NTAQ1: variants seen among roughly 807,000 people sequenced by gnomAD.
NTAQ1 encodes N-terminal glutamine amidase 1, also known as protein N-terminal glutamine amidohydrolase.
NTAQ1 carries 21 observed loss-of-function variants against 28.2 expected under a neutral mutation model. That is an observed-to-expected ratio of 0.74 (90% CI 0.53 to 1.07). The LOEUF is 1.07. Among genes scored for constraint, NTAQ1 ranks in the 50% least tolerant of loss-of-function variants. The pLI is 0.00. For missense variants in NTAQ1, 264 were observed against 256.6 expected, an observed-to-expected ratio of 1.03 and a Z score of -0.20; for synonymous variants, 105 against 90.0, an observed-to-expected ratio of 1.17 and a Z score of -0.94.
Position 123,416,897 on chromosome 8 carries a change from C to G in NTAQ1, c.48C>G (p.Pro16=). The G allele has an allele frequency of 6.6e-7, 1 of 1,526,582 alleles. No individual in the cohort carries two copies. Among genetic ancestry groups the G allele is most frequent in the East Asian group, 2.6e-5 (1 of 38,094 alleles). 94.6% of individuals were successfully genotyped at this position (1,526,582 alleles called of 1,614,324 possible). A position where few individuals can be genotyped will look rare whatever the true frequency, so the allele number is the denominator to read the frequency against. The part of the protein sequence containing the change: ...PAAVHYQPAS[P]PRDACVYSSC... ...CTGTCCACTACCAGCCGGCCAGCCC[C>G]CCGCGGGACGCCTGCGTCTACAGCA... Residue 16 remains proline, a synonymous_variant, in exon 1 of 6, where the codon CCC becomes CCG. Transcript: ENST00000287387.
At chr8:123,430,403 A>G (rs914256735) in intron 3 of NTAQ1, among the ~76,000 whole-genome samples, 4 of 152,228 alleles carry the variant, frequency 2.6e-5, no homozygotes. Context: ...GCAGTTTGGG[A>G]GGCCAAGGTG....
chr8:123,418,131 A>T (rs1443627524), intron 1 of NTAQ1, among the ~76,000 whole-genome samples: 2 of 152,126 alleles, frequency 1.3e-5, no homozygotes, highest in African/African-American at 4.8e-5. Context: ...TCCCTCATGG[A>T]TCCCTTGGTT....
At chr8:123,459,003 A>C (rs13251417) in intron 6 of NTAQ1, among the ~76,000 whole-genome samples, 1 of 151,842 alleles carries the variant, frequency 6.6e-6, no homozygotes, top group East Asian at 2.0e-4. Flanking sequence ...GCTTGAACCC[A>C]GGGGGCGGAG....
At position 123,433,411 on chromosome 8, in the gene NTAQ1, C is replaced by G. The variant is rs191654659; in HGVS notation, c.235-3042C>G. Reference sequence around the variant, plus strand: ...TCTCTTTGGCCATTGGGCTCCTGTCCTCTTCCTTTCTTGGTTGGCTTTAAT... The same window carrying G: ...TCTCTTTGGCCATTGGGCTCCTGTCGTCTTCCTTTCTTGGTTGGCTTTAAT... On this transcript the variant is annotated intron_variant, in intron 3 of 5. Coordinates refer to ENST00000287387, the MANE Select transcript of NTAQ1 (RefSeq NM_018024.3). Among the ~76,000 whole-genome samples the G allele has an allele frequency of 1.9e-3, 284 of 152,196 alleles. 4 individuals are homozygous for G. Among genetic ancestry groups the G allele is most frequent in the Non-Finnish European group, 3.6e-3 (246 of 68,022 alleles).
At chr8:123,467,912 G>A (rs977544890) in exon 7 of NTAQ1, among the ~76,000 whole-genome samples, 29 of 152,080 alleles carry the variant, frequency 1.9e-4, no homozygotes, top group Admixed American at 3.3e-4. Context: ...ACCACTCCCC[G>A]CTAATTTTGT....
intron 6 of NTAQ1, among the ~76,000 whole-genome samples, chr8:123,458,777 C>T (rs1303721433): frequency 2.0e-5 from 3 of 151,820 alleles, no homozygotes; most frequent in Admixed American, 1.3e-4. Flanking sequence ...CCCGCCAGCA[C>T]GCCCGGCTAA....
downstream of NTAQ1, among the ~76,000 whole-genome samples, chr8:123,445,616 T>C (rs1465404405): frequency 2.6e-5 from 4 of 152,194 alleles, no homozygotes; most frequent in Non-Finnish European, 4.4e-5. Flanking sequence ...TTAAGTTTTT[T>C]GTTTTTTGAG....
downstream of NTAQ1, among the ~76,000 whole-genome samples, chr8:123,471,502 G>A (rs1816041441): frequency 6.6e-6 from 1 of 152,190 alleles, no homozygotes; most frequent in African/African-American, 2.4e-5. Flanking sequence ...CCCAAGATCT[G>A]CATAGTGAAT....
intron 6 of NTAQ1, among the ~76,000 whole-genome samples, chr8:123,456,904 G>T (rs759833882): frequency 3.3e-5 from 5 of 152,092 alleles, no homozygotes; most frequent in Non-Finnish European, 5.9e-5. Flanking sequence ...TATACTGCAC[G>T]CATATAAAAT....
chr8:123,449,707 G>A (rs182066191), downstream of NTAQ1, among the ~76,000 whole-genome samples: 22 of 151,258 alleles, frequency 1.5e-4, no homozygotes, highest in East Asian at 4.1e-3. Flanking sequence ...TTTACTGGGG[G>A]CATGTTAAAT....
At chr8:123,436,658 A>C in intron 4 of NTAQ1, 57 bp downstream of exon 4, 1 of 1,542,280 alleles carries the variant, frequency 6.5e-7, no homozygotes, top group South Asian at 1.2e-5. Context: ...TGACGATTCC[A>C]CAGAGGTTCT....
chr8:123,421,419 A>G (rs1033508587), intron 1 of NTAQ1, among the ~76,000 whole-genome samples: 44 of 151,892 alleles, frequency 2.9e-4, no homozygotes, highest in African/African-American at 8.9e-4. Context: ...GTGAGATGGT[A>G]TCTCATTGTG....
At chr8:123,441,252 G>T in intron 5 of NTAQ1, 54 bp from the exon 6 acceptor site, 1 of 1,478,638 alleles carries the variant, frequency 6.8e-7, no homozygotes, top group Non-Finnish European at 9.3e-7. Flanking sequence ...TTTTATTGCT[G>T]TTAAACCAAA....
intron 5 of NTAQ1, among the ~76,000 whole-genome samples, chr8:123,438,435 C>A (rs1464600508): frequency 1.2e-4 from 18 of 152,036 alleles, no homozygotes; most frequent in Non-Finnish European, 2.4e-4. Flanking sequence ...GTGGGTGGAC[C>A]ACCTGAGGTC....
rs1313621519 is a variant in NTAQ1, at chr8:123,441,650, G to A, written c.*235G>A. On this transcript the variant is annotated 3_prime_UTR_variant, in exon 6 of 6. Coordinates refer to ENST00000287387, the MANE Select transcript of NTAQ1 (RefSeq NM_018024.3). ...GCGTACTTGCTAAGATATTCCTGTGGCTCATGCGTTACAACACGAGGACTT... is the reference window on the plus strand; with the variant it reads ...GCGTACTTGCTAAGATATTCCTGTGACTCATGCGTTACAACACGAGGACTT... 6.0e-5 allele frequency: 31 copies of A among 514,706 alleles called. No homozygotes were observed. The South Asian group carries it at 7.7e-4, about 13-fold the overall frequency. The allele number at this position is 514,706 out of a possible 1,614,324, so 31.9% of individuals were successfully genotyped here.
At chr8:123,451,581 C>T (rs775037369), downstream of NTAQ1, among the ~76,000 whole-genome samples, 6 of 152,244 alleles carry the variant, frequency 3.9e-5, no homozygotes, top group South Asian at 2.1e-4. Flanking sequence ...TCAATTGGTC[C>T]GCCCACTTCA....
chr8:123,437,359 G>T, intron 5 of NTAQ1, 25 bp downstream of exon 5: 1 of 1,613,218 alleles, frequency 6.2e-7, no homozygotes, highest in Non-Finnish European at 8.5e-7. Flanking sequence ...CTTCTCAGAT[G>T]GGGGTTCTGA....
At chr8:123,473,499 G>A (rs563787139), downstream of NTAQ1, among the ~76,000 whole-genome samples, 1 of 152,038 alleles carries the variant, frequency 6.6e-6, no homozygotes, top group Non-Finnish European at 1.5e-5. Context: ...TCACCATGTT[G>A]CCTAGGCTGG....
At chr8:123,436,169 CAA>C (rs34240319) in intron 3 of NTAQ1, among the ~76,000 whole-genome samples, 4,247 of 85,880 alleles carry the variant, frequency 0.049, 96 homozygotes, top group East Asian at 0.14. Flanking sequence ...GACTCCATCT[CAA>C]AAAAAAAAAA....
Sources: allele counts gnomAD v4.1 joint callset (sites outside exome capture counted in the v4.1 genomes callset), GRCh38; gene constraint gnomAD v4.1.1; transcripts MANE v1.5; gene names NCBI Gene and HGNC (gene_info 2026-07-23, HGNC 2026-07-21).